SPEF2: variants seen among roughly 807,000 people sequenced by gnomAD.
SPEF2 encodes the protein sperm flagella and cilia-associated protein 2.
SPEF2 carries 187 observed loss-of-function variants against 224.6 expected under a neutral mutation model. That is an observed-to-expected ratio of 0.83 (90% CI 0.74 to 0.94). The LOEUF (loss-of-function observed/expected upper bound fraction) is 0.94, where lower values mean the gene tolerates loss of function less well. Ranked by LOEUF, SPEF2 falls within the 40% of genes least tolerant of loss-of-function variation. SPEF2 has a pLI of 0.00. For missense variants in SPEF2, 2,170 were observed against 2,135.6 expected (o/e 1.02, Z -0.32); for synonymous variants, 715 against 707.3 (o/e 1.01, Z -0.17).
At chr5:35,728,459 A>G (rs1745057452) in intron 21 of SPEF2, among the ~76,000 whole-genome samples, 1 of 152,178 alleles carries the variant, frequency 6.6e-6, no homozygotes, top group South Asian at 2.1e-4. Context: ...TTAAACAGCA[A>G]AGAGCTTTTT....
intron 25 of SPEF2, among the ~76,000 whole-genome samples, chr5:35,762,694 C>A (rs997617448): frequency 2.0e-5 from 3 of 152,170 alleles, no homozygotes; most frequent in African/African-American, 7.2e-5. Context: ...AGCTGATAGC[C>A]CTTTGCACTT....
intron 10 of SPEF2, among the ~76,000 whole-genome samples, chr5:35,672,110 C>T (rs890520278): frequency 6.6e-6 from 1 of 150,714 alleles, no homozygotes; most frequent in Non-Finnish European, 1.5e-5. Flanking sequence ...CAAGAGGCAG[C>T]GGAACAATGC....
intron 2 of SPEF2, among the ~76,000 whole-genome samples, chr5:35,632,416 C>A (rs1157305404): frequency 6.6e-6 from 1 of 152,162 alleles, no homozygotes; most frequent in African/African-American, 2.4e-5. Context: ...TGAGAACTCA[C>A]TCACTATCAC....
At chr5:35,693,601 G>A (rs1374985468) in intron 12 of SPEF2, among the ~76,000 whole-genome samples, 1 of 152,148 alleles carries the variant, frequency 6.6e-6, no homozygotes, top group East Asian at 1.9e-4. Flanking sequence ...AGAGCACACA[G>A]TAAAGACCCT....
At chr5:35,743,173 T>A (rs1747955236) in intron 23 of SPEF2, among the ~76,000 whole-genome samples, 1 of 151,802 alleles carries the variant, frequency 6.6e-6, no homozygotes, top group Non-Finnish European at 1.5e-5. Flanking sequence ...CACTTATTAT[T>A]AGGCATGGAA....
At chr5:35,806,625 A>T (rs779772068) in intron 34 of SPEF2, 82 bp from the exon 35 acceptor site, 21 of 1,504,690 alleles carry the variant, frequency 1.4e-5, no homozygotes, top group Non-Finnish European at 1.9e-5. Flanking sequence ...GTGTGTGATT[A>T]TGAAATTGGT....
At chr5:35,618,201 G>A in intron 1 of SPEF2, 146 bp downstream of exon 1, 1 of 840,450 alleles carries the variant, frequency 1.2e-6, no homozygotes, top group Non-Finnish European at 1.9e-6. Flanking sequence ...ATCCCACAGT[G>A]AGCAACTCGG....
chr5:35,692,834 G>A, intron 12 of SPEF2, 110 bp downstream of exon 12: 2 of 939,330 alleles, frequency 2.1e-6, no homozygotes, highest in East Asian at 5.4e-5. Flanking sequence ...TACAGACCCA[G>A]AGAGTAAAAG....
chr5:35,618,559 G>A (rs1056221779), intron 1 of SPEF2, among the ~76,000 whole-genome samples: 3 of 152,152 alleles, frequency 2.0e-5, no homozygotes, highest in African/African-American at 7.2e-5. Context: ...TCTATAAAAT[G>A]GACCTAATAA....
intron 2 of SPEF2, among the ~76,000 whole-genome samples, chr5:35,636,332 C>T (rs185272680): frequency 2.0e-5 from 3 of 152,244 alleles, no homozygotes; most frequent in East Asian, 3.9e-4. Context: ...ACAATTTTCC[C>T]TTAGCCTTTA....
chr5:35,623,435 A>G (rs1274629713), intron 1 of SPEF2, among the ~76,000 whole-genome samples: 2 of 152,268 alleles, frequency 1.3e-5, no homozygotes, highest in African/African-American at 4.8e-5. Flanking sequence ...TGAGCATAAA[A>G]TGGTATGGGT....
intron 2 of SPEF2, among the ~76,000 whole-genome samples, chr5:35,631,967 C>A (rs998548214): frequency 2.6e-5 from 4 of 152,168 alleles, no homozygotes. Context: ...GTGAAACCAC[C>A]TCAGCCTGGA....
intron 5 of SPEF2, among the ~76,000 whole-genome samples, chr5:35,648,838 ACC>A (rs1747776913): frequency 6.6e-6 from 1 of 151,868 alleles, no homozygotes. Flanking sequence ...ACCTGGCGAA[ACC>A]CTGTCTGTAT....
chr5:35,667,871 C>T (rs1208768531), intron 9 of SPEF2, among the ~76,000 whole-genome samples: 1 of 151,934 alleles, frequency 6.6e-6, no homozygotes, highest in Admixed American at 6.6e-5. Context: ...AGACATTTCA[C>T]TGAAGAGGAT....
At chr5:35,624,464 G>A (rs999790038) in intron 1 of SPEF2, among the ~76,000 whole-genome samples, 1 of 152,118 alleles carries the variant, frequency 6.6e-6, no homozygotes, top group Non-Finnish European at 1.5e-5. Flanking sequence ...GTTTATAGAG[G>A]TGGGTGTCCT....
At chr5:35,751,025 G>GTATATGTA (rs1749390584) in intron 23 of SPEF2, among the ~76,000 whole-genome samples, 1 of 68,764 alleles carries the variant, frequency 1.5e-5, no homozygotes, top group African/African-American at 5.8e-5. Flanking sequence ...ATATATATAC[G>GTATATGTA]TATATATATA....
Position 35,644,371 on chromosome 5 carries a change from T to C in SPEF2, c.431T>C (p.Ile144Thr). The C allele has an allele frequency of 6.3e-7, 1 of 1,590,894 alleles. No individual in the cohort carries two copies. Among genetic ancestry groups the C allele is most frequent in the Middle Eastern group, 1.7e-4 (1 of 5,958 alleles). Reference protein sequence around the residue: ...DTFQERLRHMIPRQTDFNLMR... With the variant: ...DTFQERLRHMTPRQTDFNLMR... ...TTCATTTAGAGACTTAGACACATGATACCACGTCAAACTGATTTCAATCTG... is the reference window on the plus strand; with the variant it reads ...TTCATTTAGAGACTTAGACACATGACACCACGTCAAACTGATTTCAATCTG... Residue 144 changes from isoleucine (I) to threonine (T), a missense_variant, in exon 4 of 37, where the codon ATA becomes ACA. By Grantham distance (89) the Ile-to-Thr change is moderately conservative. Coordinates refer to ENST00000356031, the MANE Select transcript of SPEF2 (RefSeq NM_024867.4).
At chr5:35,727,860 C>A (rs752788466) in intron 21 of SPEF2, 37 bp downstream of exon 21, 2 of 1,597,054 alleles carry the variant, frequency 1.3e-6, no homozygotes, top group Non-Finnish European at 1.7e-6. Flanking sequence ...AGAATTCATT[C>A]TTTCTCCTGC....
intron 15 of SPEF2, chr5:35,699,998 C>G (rs1738271989): frequency 6.4e-6 from 1 of 156,254 alleles, no homozygotes; most frequent in Non-Finnish European, 1.4e-5. Flanking sequence ...CGGTGCTTTC[C>G]TGTGCTGTTT....
Sources: allele counts gnomAD v4.1 joint callset (sites outside exome capture counted in the v4.1 genomes callset), GRCh38; gene constraint gnomAD v4.1.1; transcripts MANE v1.5; gene names NCBI Gene and HGNC (gene_info 2026-07-23, HGNC 2026-07-21).